Variants in GAS2L2 observed in about 807,000 individuals in gnomAD.
GAS2L2 encodes growth arrest specific 2 like 2.
In GAS2L2, 21 loss-of-function variants were observed where a neutral mutation model predicts 35.2. That is an observed-to-expected ratio of 0.60 (90% CI 0.42 to 0.86). The LOEUF (loss-of-function observed/expected upper bound fraction) is 0.86. Ranked by LOEUF, GAS2L2 falls within the 40% of genes least tolerant of loss-of-function variation. GAS2L2 has a pLI of 0.00. For missense variants in GAS2L2, 1,169 were observed against 1,144.4 expected, an observed-to-expected ratio of 1.02 and a Z score of -0.31; for synonymous variants, 490 against 473.2, an observed-to-expected ratio of 1.04 and a Z score of -0.46.
chr17:35,752,356 G>C, intron 1 of GAS2L2, 110 bp downstream of exon 1: 1 of 1,123,952 alleles, frequency 8.9e-7, no homozygotes, highest in Non-Finnish European at 1.3e-6. Flanking sequence ...GGCAAATCTA[G>C]AATGAGGATC....
chr17:35,745,619 C>T lies in GAS2L2; in HGVS notation c.1878G>A (p.Arg626=). Residue 626 remains arginine (R), a synonymous_variant, in exon 6 of 6, where the codon AGG becomes AGA. Coordinates refer to ENST00000604641, the MANE Select transcript of GAS2L2 (RefSeq NM_139285.4). ...CCCCACTGCGAGGGATGACCCCAGA[C>T]CTTGTGCCCTGCGGACAGGCACTCC... is the stretch of plus-strand genomic sequence containing the variant. ...EVRSACPQGT[R]SGVIPRSGVY... is the part of the protein sequence containing the mutation. The T allele has an allele frequency of 1.2e-6, 2 of 1,613,948 alleles. No homozygotes were observed. The highest frequency in any genetic ancestry group is 1.7e-6 in the Non-Finnish European group (2 of 1,180,026).
chr17:35,750,361 C>G (rs1196668484), intron 1 of GAS2L2, 43 bp from the exon 2 acceptor site: 1 of 1,613,046 alleles, frequency 6.2e-7, no homozygotes, highest in Non-Finnish European at 8.5e-7. Context: ...CAGCGTGAGC[C>G]CCCAGAGGAC....
Position 35,745,965 on chromosome 17 carries a change from C to G in GAS2L2, c.1532G>C (p.Arg511Pro), listed in dbSNP as rs144024552. 6.2e-7 allele frequency: 1 copy of G among 1,603,016 alleles called. No individual in the cohort carries two copies. Among genetic ancestry groups the G allele is most frequent in the Non-Finnish European group, 8.5e-7 (1 of 1,172,548 alleles). Reference sequence around the variant, plus strand: ...AAAGCTCCTTCCTGGTGTTGGGGGGCGAGCAGGGGGCAGCCGGATGGGGAT... The same window carrying G: ...AAAGCTCCTTCCTGGTGTTGGGGGGGGAGCAGGGGGCAGCCGGATGGGGAT... The part of the protein sequence containing the change: ...TKIPIRLPPA[R>P]PPTPGRSFPG... The change falls in exon 6 of 6, where the codon CGC becomes CCC. Residue 511 changes from arginine (R) to proline (P), a missense_variant. Physicochemically the swap from Arg to Pro is moderately radical, Grantham distance 103. Around this residue, in one of 3 missense-constraint regions of GAS2L2, gnomAD observed 1,035 missense variants for 976.5 expected, o/e 1.06. Coordinates refer to ENST00000604641, the MANE Select transcript of GAS2L2 (RefSeq NM_139285.4).
chr17:35,750,327 G>C lies in GAS2L2; in HGVS notation c.386-9C>G, dbSNP rs1383226284. 1.2e-6 allele frequency: 2 copies of C among 1,613,856 alleles called. No individual in the cohort carries two copies. Among genetic ancestry groups the C allele is most frequent in the East Asian group, 2.2e-5 (1 of 44,882 alleles). On this transcript the variant is annotated splice_polypyrimidine_tract_variant and intron_variant, in intron 1 of 5. Coordinates refer to ENST00000604641, the MANE Select transcript of GAS2L2 (RefSeq NM_139285.4). ...CTCGAACATCAGCACCTCTGGAGTG[G>C]AGGCGGGGAGAAAAGGGCAGAGGCA...
intron 4 of GAS2L2, 134 bp from the exon 5 acceptor site, chr17:35,747,402 C>A (rs1408536339): frequency 9.5e-7 from 1 of 1,056,782 alleles, no homozygotes. Context: ...GTGGCAACAC[C>A]GGAGTTTCTT....
At chr17:35,750,585 A>T (rs1214109388) in intron 1 of GAS2L2, among the ~76,000 whole-genome samples, 1 of 152,170 alleles carries the variant, frequency 6.6e-6, no homozygotes, top group Non-Finnish European at 1.5e-5. Flanking sequence ...CAGCAAAGCA[A>T]AGGGACCTGG....
Position 35,745,627 on chromosome 17 carries a change from C to T in GAS2L2, c.1870G>A (p.Gly624Ser). Reference protein sequence around the residue: ...LLEVRSACPQGTRSGVIPRSG... With the variant: ...LLEVRSACPQSTRSGVIPRSG... Reference sequence around the variant, plus strand: ...CGAGGGATGACCCCAGACCTTGTGCCCTGCGGACAGGCACTCCTGACTTCT... The same window carrying T: ...CGAGGGATGACCCCAGACCTTGTGCTCTGCGGACAGGCACTCCTGACTTCT... The change falls in exon 6 of 6, where the codon GGC (glycine) becomes AGC (serine). Residue 624 changes from glycine (G) to serine (S), a missense_variant. By Grantham distance (56) the Gly-to-Ser change is moderately conservative (BLOSUM62 0). Transcript: ENST00000604641. 1 of 1,613,934 alleles carries T rather than the reference C, an allele frequency of 6.2e-7. No individual in the cohort carries two copies. The highest frequency in any genetic ancestry group is 8.5e-7 in the Non-Finnish European group (1 of 1,180,036).
chr17:35,750,508 T>C (rs1344455971), intron 1 of GAS2L2, among the ~76,000 whole-genome samples, 190 bp from the exon 2 acceptor site: 1 of 152,030 alleles, frequency 6.6e-6, no homozygotes, highest in Non-Finnish European at 1.5e-5. Flanking sequence ...CTGGGCGGAA[T>C]TGCTCAGGTG....
chr17:35,753,188 T>A lies in GAS2L2; in HGVS notation c.-338A>T, dbSNP rs142798909. Among the ~76,000 whole-genome samples the A allele has an allele frequency of 0.016, 2,433 of 152,210 alleles. 27 individuals are homozygous for A. Among genetic ancestry groups the A allele is most frequent in the Non-Finnish European group, 0.025 (1,671 of 68,002 alleles). On this transcript the variant is annotated 5_prime_UTR_variant, in exon 1 of 6. Coordinates refer to ENST00000604641, the MANE Select transcript of GAS2L2 (RefSeq NM_139285.4). ...CTCTCTTTCCCCAGAGCTGGAGAGA[T>A]CAAGCTGGCTGCCTCCTACCCTCTG... is the stretch of plus-strand genomic sequence containing the variant.
At chr17:35,749,921 T>A (rs1555599515) in intron 2 of GAS2L2, among the ~76,000 whole-genome samples, 156 bp downstream of exon 2, 1 of 147,630 alleles carries the variant, frequency 6.8e-6, no homozygotes, top group Non-Finnish European at 1.5e-5. Context: ...AGGCTCAGAG[T>A]GGAACCGTGC....
Position 35,747,358 on chromosome 17 carries a change from C to T in GAS2L2, c.833-90G>A, listed in dbSNP as rs1271868576. The T allele has an allele frequency of 3.6e-6, 5 of 1,408,068 alleles. No individual in the cohort carries two copies. The South Asian group carries it at 5.7e-5, about 16-fold the overall frequency. 87.2% of individuals were successfully genotyped at this position (1,408,068 alleles called of 1,614,324 possible). A position where few individuals can be genotyped will look rare whatever the true frequency, so the allele number is the denominator to read the frequency against. Reference sequence around the variant, plus strand: ...TGTTCCTCCCCCAGTGGTCCCATGCCCCGCATCCCACATTAAAAACAGTGG... The same window carrying T: ...TGTTCCTCCCCCAGTGGTCCCATGCTCCGCATCCCACATTAAAAACAGTGG... On this transcript the variant is annotated intron_variant, in intron 4 of 5. Transcript: ENST00000604641.
At chr17:35,749,996 T>C in intron 2 of GAS2L2, 81 bp downstream of exon 2, 3 of 1,303,296 alleles carry the variant, frequency 2.3e-6, no homozygotes, top group East Asian at 2.6e-5. Flanking sequence ...GGTGGGTTAG[T>C]GGGGGCTGGA....
At position 35,746,214 on chromosome 17, in the gene GAS2L2, C is replaced by T. The variant is rs2085666988; in HGVS notation, c.1283G>A (p.Trp428Ter). The stretch of plus-strand genomic sequence containing the variant: ...GGTGGGGTTCCCGGCGTCGGTTCCC[C>T]AGCTGTCTGTTTCTTCATGAACCCA... ...TSWVHEETDS[W>*]GTDAGNPTPQ... Residue 428 changes from tryptophan (W) to a stop codon, truncating the protein, a stop_gained, in exon 6 of 6, where the codon TGG (tryptophan) becomes TAG (stop). Coordinates refer to ENST00000604641, the MANE Select transcript of GAS2L2 (RefSeq NM_139285.4). LOFTEE classifies it low-confidence loss of function (END_TRUNC). 6.8e-7 allele frequency: 1 copy of T among 1,481,308 alleles called. No individual in the cohort carries two copies. The allele number at this position is 1,481,308 out of a possible 1,614,324, so 91.8% of individuals were successfully genotyped here.
In GAS2L2 at chr17:35,752,795, C is replaced by T; in HGVS notation, c.56G>A (p.Cys19Tyr). ...RKPRTLGPPV[C>Y]SIRPFKSSEQ... is the part of the protein sequence containing the mutation. ...ACTCGACTTGAAAGGCCGGATACTGCACACAGGCGGCCCTAGGGTCCTGGG... is the reference window on the plus strand; with the variant it reads ...ACTCGACTTGAAAGGCCGGATACTGTACACAGGCGGCCCTAGGGTCCTGGG... Residue 19 changes from cysteine (C) to tyrosine (Y), a missense_variant, in exon 1 of 6, where the codon TGC becomes TAC. Around this residue, in one of 3 missense-constraint regions of GAS2L2, gnomAD observed 127 missense variants for 146.1 expected, o/e 0.87. Coordinates refer to ENST00000604641, the MANE Select transcript of GAS2L2 (RefSeq NM_139285.4). 2.5e-6 allele frequency: 4 copies of T among 1,613,404 alleles called. No homozygotes were observed. Among genetic ancestry groups the T allele is most frequent in the Non-Finnish European group, 2.5e-6 (3 of 1,179,850 alleles).
Position 35,752,700 on chromosome 17 carries a change from C to T in GAS2L2, c.151G>A (p.Asp51Asn), listed in dbSNP as rs141214936. 2.3e-5 allele frequency: 37 copies of T among 1,613,924 alleles called. No individual in the cohort carries two copies. The highest frequency in any genetic ancestry group is 3.0e-5 in the Non-Finnish European group (35 of 1,180,046). ...WLRDLYGLDI[D>N]AANFLQVLET... ...AGCACCTGCAGGAAGTTGGCTGCGTCGATGTCCAGCCCATAGAGGTCGCGA... is the reference window on the plus strand; with the variant it reads ...AGCACCTGCAGGAAGTTGGCTGCGTTGATGTCCAGCCCATAGAGGTCGCGA... Residue 51 changes from aspartate to asparagine, a missense_variant, in exon 1 of 6, where the codon GAC (aspartate) becomes AAC (asparagine). Asp to Asn is a conservative substitution (Grantham distance 23). Transcript: ENST00000604641.
rs2085651357 is a variant in GAS2L2, at chr17:35,744,650, G to C, written c.*204C>G. 1.7e-6 allele frequency: 1 copy of C among 582,594 alleles called. No homozygotes were observed. The highest frequency in any genetic ancestry group is 1.9e-5 in the African/African-American group (1 of 53,660). The allele number at this position is 582,594 out of a possible 1,614,324, so 36.1% of individuals were successfully genotyped here. A position where few individuals can be genotyped will look rare whatever the true frequency, so the allele number is the denominator to read the frequency against. The stretch of plus-strand genomic sequence containing the variant: ...ATACAGGATGGTCCTACTGCCCCTG[G>C]CCTACCTCTGGAGTTGGAGTGAGAG... On this transcript the variant is annotated 3_prime_UTR_variant, in exon 6 of 6. Coordinates refer to ENST00000604641, the MANE Select transcript of GAS2L2 (RefSeq NM_139285.4).
rs370902804 is a variant in GAS2L2, at chr17:35,750,194, C to G, written c.510G>C (p.Gln170His). The G allele has an allele frequency of 1.5e-5, 25 of 1,613,628 alleles. No individual in the cohort carries two copies. The African/African-American group carries it at 2.7e-4, about 17-fold the overall frequency. ...CCTCCTCCTCGATCTCCTCCTCCAG[C>G]TGCACGAGTGTGGGCGCCGCAACAC... ...RFGVAAPTLVQLEEEIEEEVR... is the reference protein window; with the variant it reads ...RFGVAAPTLVHLEEEIEEEVR... Residue 170 changes from glutamine (Q) to histidine (H), a missense_variant, in exon 2 of 6, where the codon CAG becomes CAC. By Grantham distance (24) the Gln-to-His change is conservative (BLOSUM62 0). This residue lies in a region of GAS2L2 where 1,035 missense variants were observed against 976.5 expected (regional missense o/e 1.06). Transcript: ENST00000604641.
In GAS2L2 at chr17:35,750,107, C is replaced by T; in HGVS notation, c.597G>A (p.Gln199=). Residue 199 remains glutamine, a synonymous_variant, in exon 2 of 6, where the codon CAG becomes CAA. Coordinates refer to ENST00000604641, the MANE Select transcript of GAS2L2 (RefSeq NM_139285.4). ...GGTCCAGGTTGCGGAAGTGGCAGGG[C>T]TGGCGCCTGGGGGGCGCTGGCGGCG... The part of the protein sequence containing the change: ...DPSPPAPPRR[Q]PCHFRNLDQM... 6.3e-7 allele frequency: 1 copy of T among 1,593,536 alleles called. No homozygotes were observed. Among genetic ancestry groups the T allele is most frequent in the Non-Finnish European group, 8.5e-7 (1 of 1,173,582 alleles).
chr17:35,747,048 C>A lies in GAS2L2; in HGVS notation c.1053G>T (p.Thr351=), dbSNP rs782278098. 5.6e-6 allele frequency: 9 copies of A among 1,598,922 alleles called. No homozygotes were observed. The South Asian group carries it at 1.0e-4, about 18-fold the overall frequency. ...ATGGTGCCATCTCTCTGGAGGCCCC[C>A]GTCCCTGCTCCCCGTTCCCTGCGGG... ...PRPRRERGAG[T]GASREMAPFL... Residue 351 remains threonine, a synonymous_variant, in exon 5 of 6, where the codon ACG becomes ACT. Transcript: ENST00000604641.
Sources: allele counts gnomAD v4.1 joint callset (sites outside exome capture counted in the v4.1 genomes callset), GRCh38; gene constraint gnomAD v4.1.1; regional missense constraint gnomAD v4.1.1; transcripts MANE v1.5; gene names NCBI Gene and HGNC (gene_info 2026-07-23, HGNC 2026-07-21).